TIA1: variants seen among roughly 807,000 people sequenced by gnomAD.
The protein encoded by TIA1 is cytotoxic granule associated RNA binding protein TIA1.
A neutral mutation model predicts 65.9 loss-of-function variants in TIA1; 23 were observed. The observed-to-expected ratio is 0.35, with a 90% CI of 0.25 to 0.49. The LOEUF (loss-of-function observed/expected upper bound fraction) is 0.49. Ranked by LOEUF, TIA1 falls within the 20% of genes least tolerant of loss-of-function variation. The pLI is 0.98. For synonymous variants in TIA1, 147 were observed against 149.4 expected, an observed-to-expected ratio of 0.98 and a Z score of 0.12; for missense variants, 371 against 477.9, an observed-to-expected ratio of 0.78 and a Z score of 2.09.
At chr2:70,228,206 C>T (rs2104389362) in intron 5 of TIA1, 2 of 598,764 alleles carry the variant, frequency 3.3e-6, no homozygotes, top group South Asian at 2.4e-5. Context: ...TATATTAAGG[C>T]TTTACAAATT....
intron 6 of TIA1, among the ~76,000 whole-genome samples, chr2:70,227,421 A>G (rs1407330007): frequency 4.6e-5 from 7 of 152,182 alleles, no homozygotes; most frequent in Non-Finnish European, 8.8e-5. Context: ...GTTACAGCAC[A>G]ATTTTACTAA....
chr2:70,240,231 A>G (rs1279709424), intron 1 of TIA1, among the ~76,000 whole-genome samples: 1 of 152,234 alleles, frequency 6.6e-6, no homozygotes, highest in African/African-American at 2.4e-5. Flanking sequence ...CTGCATATAT[A>G]TAATATGAAT....
intron 1 of TIA1, among the ~76,000 whole-genome samples, chr2:70,236,689 C>T (rs1327929443): frequency 1.3e-5 from 2 of 151,982 alleles, no homozygotes; most frequent in East Asian, 1.9e-4. Flanking sequence ...TGTAGTGGCG[C>T]AATCTTGGCT....
chr2:70,242,216 C>T (rs1692134969), intron 1 of TIA1, among the ~76,000 whole-genome samples: 1 of 152,020 alleles, frequency 6.6e-6, no homozygotes. Flanking sequence ...TCTACTCTCA[C>T]CTGACTCTTG....
intron 1 of TIA1, among the ~76,000 whole-genome samples, chr2:70,236,536 G>A (rs1280950083): frequency 6.6e-6 from 1 of 151,650 alleles, no homozygotes; most frequent in Non-Finnish European, 1.5e-5. Context: ...ATATTGCTCA[G>A]GCTGCTCTCA....
intron 10 of TIA1, 152 bp from the exon 11 acceptor site, chr2:70,215,646 T>A (rs1282541588): frequency 2.9e-6 from 2 of 680,424 alleles, no homozygotes; most frequent in African/African-American, 1.8e-5. Flanking sequence ...ATCTTGTAGT[T>A]CTGGGGCAAC....
At chr2:70,229,361 A>G in intron 3 of TIA1, 43 bp from the exon 4 acceptor site, 1 of 1,532,390 alleles carries the variant, frequency 6.5e-7, no homozygotes, top group South Asian at 1.2e-5. Context: ...ACAAAAATAA[A>G]GCCCAAAATC....
At chr2:70,222,688 G>A (rs1287284925) in intron 7 of TIA1, among the ~76,000 whole-genome samples, 1 of 152,242 alleles carries the variant, frequency 6.6e-6, no homozygotes, top group Non-Finnish European at 1.5e-5. Context: ...GGCCGAGGCA[G>A]GTGGATCACA....
chr2:70,222,637 C>T (rs773363761), intron 7 of TIA1, among the ~76,000 whole-genome samples: 32 of 152,128 alleles, frequency 2.1e-4, no homozygotes, highest in African/African-American at 5.6e-4. Context: ...TATTTACTGC[C>T]GGGCGCAGTG....
intron 1 of TIA1, among the ~76,000 whole-genome samples, chr2:70,244,387 A>G (rs1558972914): frequency 6.6e-6 from 1 of 152,136 alleles, no homozygotes; most frequent in Non-Finnish European, 1.5e-5. Flanking sequence ...TATATGTACT[A>G]CCATATCCCC....
intron 6 of TIA1, 55 bp downstream of exon 6, chr2:70,227,680 G>A: frequency 3.5e-6 from 4 of 1,141,364 alleles, no homozygotes; most frequent in Admixed American, 2.1e-5. Flanking sequence ...TTCAAGTTAT[G>A]TCTACATATA....
chr2:70,240,763 C>T (rs1239665876), intron 1 of TIA1, among the ~76,000 whole-genome samples: 1 of 151,924 alleles, frequency 6.6e-6, no homozygotes, highest in Non-Finnish European at 1.5e-5. Context: ...TCCCAGCTAC[C>T]TGGGAAGGGG....
intron 7 of TIA1, among the ~76,000 whole-genome samples, chr2:70,218,926 A>G (rs886785568): frequency 6.6e-6 from 1 of 152,246 alleles, no homozygotes; most frequent in African/African-American, 2.4e-5. Context: ...ACCACAAGCA[A>G]AAGGAGAGAA....
chr2:70,240,886 CA>C (rs377386367), intron 1 of TIA1, among the ~76,000 whole-genome samples: 3,049 of 148,770 alleles, frequency 0.02, 99 homozygotes, highest in African/African-American at 0.071. Context: ...GCCCCCCCAC[CA>C]AAAAAAAAGG....
chr2:70,230,096 A>T (rs1685523348), intron 3 of TIA1, among the ~76,000 whole-genome samples: 1 of 151,880 alleles, frequency 6.6e-6, no homozygotes. Context: ...ACAAAAAATT[A>T]GTCAGGCGTG....
chr2:70,222,252 C>T (rs1304901711), intron 7 of TIA1, among the ~76,000 whole-genome samples: 1 of 151,856 alleles, frequency 6.6e-6, no homozygotes, highest in African/African-American at 2.4e-5. Flanking sequence ...ACAGGAAGGA[C>T]CTTTCCTGTA....
chr2:70,218,636 T>C (rs886556565), intron 7 of TIA1, among the ~76,000 whole-genome samples: 7 of 152,182 alleles, frequency 4.6e-5, no homozygotes, highest in Non-Finnish European at 1.0e-4. Context: ...GGTTTCACCG[T>C]GTTAGACAGG....
chr2:70,227,590 T>C, intron 6 of TIA1, 145 bp downstream of exon 6: 1 of 494,090 alleles, frequency 2.0e-6, no homozygotes, highest in Non-Finnish European at 3.5e-6. Flanking sequence ...TGCTGTTAAC[T>C]TCTTGAATGA....
At chr2:70,239,159 C>T (rs1295013203) in intron 1 of TIA1, among the ~76,000 whole-genome samples, 1 of 152,182 alleles carries the variant, frequency 6.6e-6, no homozygotes, top group Admixed American at 6.5e-5. Flanking sequence ...GTGGCGTGAT[C>T]TCGGCTCACT....
Sources: gnomAD v4.1 joint callset for allele counts (sites outside exome capture counted in the v4.1 genomes callset) on GRCh38, gnomAD v4.1.1 for gene constraint, MANE v1.5 for transcripts, NCBI Gene and HGNC (gene_info 2026-07-23, HGNC 2026-07-21) for gene names.